PALLD: variants seen among roughly 807,000 people sequenced by gnomAD.
PALLD encodes palladin, cytoskeletal associated protein.
PALLD carries 61 observed loss-of-function variants against 123.5 expected under a neutral mutation model. The observed-to-expected ratio is 0.49, with a 90% CI of 0.40 to 0.61. PALLD has a LOEUF of 0.61. Among genes scored for constraint, PALLD ranks in the 20% least tolerant of loss-of-function variants. The probability of loss-of-function intolerance (pLI) is 0.00; values close to 1 mark genes in which losing one functional copy is unlikely to be tolerated. For missense variants in PALLD, 1,273 were observed against 1,377.0 expected (o/e 0.92, Z 1.20); for synonymous variants, 465 against 496.4 (o/e 0.94, Z 0.84).
chr4:168,747,211 A>C (rs1379171454), intron 10 of PALLD, among the ~76,000 whole-genome samples: 2 of 152,212 alleles, frequency 1.3e-5, no homozygotes, highest in Non-Finnish European at 2.9e-5. Context: ...GCCACACTCT[A>C]ATCAGCTGCA....
intron 12 of PALLD, among the ~76,000 whole-genome samples, chr4:168,896,099 A>G (rs1276041238): frequency 6.6e-6 from 1 of 152,092 alleles, no homozygotes; most frequent in African/African-American, 2.4e-5. Context: ...AGTCCCAGCT[A>G]CGCGGGAGGC....
At chr4:168,890,792 A>G in intron 10 of PALLD, 130 bp from the exon 11 acceptor site, 4 of 931,202 alleles carry the variant, frequency 4.3e-6, no homozygotes. Flanking sequence ...CATAGTTGCA[A>G]CAGATGTAGC....
At chr4:168,788,147 A>G (rs62334301) in intron 10 of PALLD, among the ~76,000 whole-genome samples, 25,775 of 152,164 alleles carry the variant, frequency 0.17, 2,323 homozygotes, top group Middle Eastern at 0.24. Context: ...AGGTGAAATG[A>G]TCTCATTCCT....
At chr4:168,623,610 G>A (rs1774967748) in intron 2 of PALLD, among the ~76,000 whole-genome samples, 1 of 152,220 alleles carries the variant, frequency 6.6e-6, no homozygotes, top group Non-Finnish European at 1.5e-5. Flanking sequence ...CTGTACAAGA[G>A]AGACACACAT....
Position 168,928,098 on chromosome 4 carries a change from G to A in PALLD, c.*1918G>A, listed in dbSNP as rs955309274. On this transcript the variant is annotated 3_prime_UTR_variant, in exon 22 of 22. Transcript: ENST00000505667. ...TAAGTGATTAATAGGCTTGAGCACCGGGTGGCAGATGTTCTATGCAGTGTG... is the reference window on the plus strand; with the variant it reads ...TAAGTGATTAATAGGCTTGAGCACCAGGTGGCAGATGTTCTATGCAGTGTG... 6 of 194,990 alleles carry A rather than the reference G, an allele frequency of 3.1e-5. No individual in the cohort carries two copies. The highest frequency in any genetic ancestry group is 1.9e-4 in the South Asian group (1 of 5,212). The allele number at this position is 194,990 out of a possible 1,614,324, so 12.1% of individuals were successfully genotyped here.
At chr4:168,816,410 TATA>T (rs375801958) in intron 10 of PALLD, among the ~76,000 whole-genome samples, 2,036 of 125,920 alleles carry the variant, frequency 0.016, 31 homozygotes, top group East Asian at 0.064. Context: ...TATATATATA[TATA>T]TTTTTTTTAA....
intron 2 of PALLD, among the ~76,000 whole-genome samples, chr4:168,596,996 G>GA (rs917228904): frequency 1.3e-5 from 2 of 151,550 alleles, no homozygotes; most frequent in Non-Finnish European, 2.9e-5. Context: ...TTTTTAATGG[G>GA]AAAAAAAATT....
At chr4:168,694,497 C>T (rs952969875) in intron 8 of PALLD, among the ~76,000 whole-genome samples, 3 of 151,818 alleles carry the variant, frequency 2.0e-5, no homozygotes, top group African/African-American at 4.8e-5. Context: ...CCTCTTTCTC[C>T]ATCTCACTCC....
rs149381342 is a variant in PALLD at position 168,556,560 on chromosome 4, C to T, written c.908+44148C>T. On this transcript the variant is annotated intron_variant, in intron 2 of 21. Transcript: ENST00000505667. The stretch of plus-strand genomic sequence containing the variant: ...CGAAGCAGGATGCTTTCAATGTGTG[C>T]AAATCAACCTCTTGGTAGCCTGCCT... Among the ~76,000 whole-genome samples, 301 of 152,320 alleles carry T rather than the reference C, an allele frequency of 2.0e-3. 1 individual carries two copies. Among genetic ancestry groups the T allele is most frequent in the Middle Eastern group, 6.8e-3 (2 of 294 alleles).
chr4:168,701,751 G>A (rs1783692141), intron 8 of PALLD, among the ~76,000 whole-genome samples: 1 of 151,922 alleles, frequency 6.6e-6, no homozygotes, highest in African/African-American at 2.4e-5. Context: ...ATTCAAGGTT[G>A]AGAGAAGTGC....
chr4:168,881,919 C>T (rs567580305), intron 10 of PALLD, among the ~76,000 whole-genome samples: 27 of 152,260 alleles, frequency 1.8e-4, no homozygotes, highest in African/African-American at 6.3e-4. Flanking sequence ...AGTGGCCATA[C>T]TAAGTCTGAA....
At chr4:168,560,163 C>G (rs1767723615) in intron 2 of PALLD, among the ~76,000 whole-genome samples, 1 of 152,100 alleles carries the variant, frequency 6.6e-6, no homozygotes, top group African/African-American at 2.4e-5. Context: ...GTAGAATGTT[C>G]TTTCTGAAGA....
In PALLD at chr4:168,589,686, G is replaced by C. The variant is rs538480246; in HGVS notation, c.908+77274G>C. 3.7e-3 allele frequency among the ~76,000 whole-genome samples: 564 copies of C among 152,302 alleles called. 2 individuals carry two copies. Among genetic ancestry groups the C allele is most frequent in the Non-Finnish European group, 5.3e-3 (363 of 68,028 alleles). Reference sequence around the variant, plus strand: ...AAAGAAAAGTTTGGGGAGTTGCTAAGCATGAGAGGCATTGTTGATAAATTA... The same window carrying C: ...AAAGAAAAGTTTGGGGAGTTGCTAACCATGAGAGGCATTGTTGATAAATTA... On this transcript the variant is annotated intron_variant, in intron 2 of 21. Transcript: ENST00000505667.
intron 10 of PALLD, chr4:168,832,248 C>G (rs1318467545): frequency 2.2e-6 from 2 of 898,908 alleles, no homozygotes; most frequent in Non-Finnish European, 2.7e-6. Context: ...CAGGGTGGGC[C>G]GCGAGTCGGG....
intron 10 of PALLD, chr4:168,833,058 G>A (rs1323628708): frequency 6.6e-6 from 1 of 152,306 alleles, no homozygotes. Flanking sequence ...TGGAGCGCAG[G>A]GCTCTAGGCC....
At chr4:168,901,401 T>A (rs1194129483) in intron 14 of PALLD, among the ~76,000 whole-genome samples, 1 of 152,212 alleles carries the variant, frequency 6.6e-6, no homozygotes. Context: ...GTACGCTTGG[T>A]AAAATTTTGG....
At chr4:168,846,640 A>G (rs575336263) in intron 10 of PALLD, among the ~76,000 whole-genome samples, 46 of 152,332 alleles carry the variant, frequency 3.0e-4, no homozygotes, top group African/African-American at 1.0e-3. Context: ...ATGTTAATTA[A>G]GGTGACTGAT....
intron 2 of PALLD, among the ~76,000 whole-genome samples, chr4:168,533,875 A>G (rs755853868): frequency 5.0e-4 from 76 of 152,238 alleles, no homozygotes; most frequent in Non-Finnish European, 9.7e-4. Context: ...TTCTCCAAAA[A>G]GGAGAAGGAT....
At chr4:168,854,700 A>G (rs893652899) in intron 10 of PALLD, among the ~76,000 whole-genome samples, 4 of 152,228 alleles carry the variant, frequency 2.6e-5, no homozygotes, top group Non-Finnish European at 4.4e-5. Context: ...CCTGTTCTCT[A>G]CTATATATAG....
Sources: gnomAD v4.1 joint callset for allele counts (sites outside exome capture counted in the v4.1 genomes callset) on GRCh38, gnomAD v4.1.1 for gene constraint, MANE v1.5 for transcripts, NCBI Gene and HGNC (gene_info 2026-07-23, HGNC 2026-07-21) for gene names.